PKP2: variants seen among roughly 807,000 people sequenced by gnomAD.
The protein encoded by PKP2 is plakophilin 2.
Under a neutral mutation model 83.4 loss-of-function variants are expected in PKP2, and 73 were observed. The ratio of observed to expected loss-of-function variants is 0.88; its 90% CI spans 0.72 to 1.06. The LOEUF (loss-of-function observed/expected upper bound fraction) is 1.06. Ranked by LOEUF, PKP2 falls within the 50% of genes least tolerant of loss-of-function variation. The pLI, the probability that PKP2 is intolerant of heterozygous loss-of-function variation, is 0.00. For missense variants in PKP2, 966 were observed against 1,065.4 expected, an observed-to-expected ratio of 0.91 and a Z score of 1.30; for synonymous variants, 409 against 430.4, an observed-to-expected ratio of 0.95 and a Z score of 0.62.
intron 11 of PKP2, among the ~76,000 whole-genome samples, chr12:32,793,461 T>C (rs959153237): frequency 6.6e-6 from 1 of 151,998 alleles, no homozygotes; most frequent in African/African-American, 2.4e-5. Flanking sequence ...GGAGTAATTT[T>C]TCAAGTCAAT....
intron 4 of PKP2, among the ~76,000 whole-genome samples, chr12:32,851,750 G>A (rs1252924340): frequency 6.6e-6 from 1 of 152,226 alleles, no homozygotes; most frequent in Non-Finnish European, 1.5e-5. Context: ...TTACAGGCGT[G>A]AGCCACTGCG....
intron 2 of PKP2, among the ~76,000 whole-genome samples, 161 bp downstream of exon 2, chr12:32,878,759 T>A (rs1252628245): frequency 6.6e-6 from 1 of 152,190 alleles, no homozygotes; most frequent in Non-Finnish European, 1.5e-5. Context: ...TTCACATCCC[T>A]AGTTTTCCAT....
At chr12:32,870,253 G>A (rs1956884390) in intron 3 of PKP2, among the ~76,000 whole-genome samples, 1 of 152,092 alleles carries the variant, frequency 6.6e-6, no homozygotes, top group African/African-American at 2.4e-5. Flanking sequence ...ACATGCACAT[G>A]TGTACAGGTG....
intron 9 of PKP2, among the ~76,000 whole-genome samples, chr12:32,819,289 AATACAATACAATACAATAC>A (rs754829167): frequency 0.51 from 74,814 of 145,560 alleles, 21,735 homozygotes; most frequent in Non-Finnish European, 0.66. Flanking sequence ...AAATAAATAC[AATACAATACAATACAATAC>A]AATACAATAA....
chr12:32,816,804 C>T (rs1956324208), intron 9 of PKP2, among the ~76,000 whole-genome samples: 2 of 83,778 alleles, frequency 2.4e-5, no homozygotes, highest in African/African-American at 7.8e-5. Context: ...GATGGCATCT[C>T]ACTGTAGTTT....
intron 9 of PKP2, among the ~76,000 whole-genome samples, chr12:32,812,915 T>C (rs766997913): frequency 1.5e-4 from 23 of 152,254 alleles, no homozygotes; most frequent in Non-Finnish European, 2.8e-4. Context: ...CAAATCCATG[T>C]TAACTTGATC....
rs1469471585 is a variant in PKP2 at position 32,810,831 on chromosome 12, G to A, written c.2014-8275C>T. Among the ~76,000 whole-genome samples the A allele has an allele frequency of 1.0e-3, 36 of 35,788 alleles. 17 individuals are homozygous for A. The highest frequency in any genetic ancestry group is 3.4e-3 in the Non-Finnish European group (31 of 9,052). 23.5% of individuals were successfully genotyped at this position (35,788 alleles called of 152,430 possible). A position where few individuals can be genotyped will look rare whatever the true frequency, so the allele number is the denominator to read the frequency against. On this transcript the variant is annotated intron_variant, in intron 9 of 12. Transcript: ENST00000340811. ...CGAGTAGCTGGGACTACAGGCGCCC[G>A]CCACTACGCCCGGCTAATTTTTTGT...
chr12:32,853,147 A>C (rs1251589787), intron 4 of PKP2, among the ~76,000 whole-genome samples: 1 of 152,170 alleles, frequency 6.6e-6, no homozygotes, highest in Non-Finnish European at 1.5e-5. Context: ...CACTTCATCT[A>C]TTCCTATTAC....
At chr12:32,889,779 T>C (rs1220938815) in intron 1 of PKP2, among the ~76,000 whole-genome samples, 2 of 152,120 alleles carry the variant, frequency 1.3e-5, no homozygotes, top group Admixed American at 6.5e-5. Flanking sequence ...GGCAGACTTT[T>C]ATTAGAAAAG....
At chr12:32,821,683 A>G in intron 8 of PKP2, 154 bp from the exon 9 acceptor site, 1 of 665,780 alleles carries the variant, frequency 1.5e-6, no homozygotes, top group Non-Finnish European at 2.6e-6. Context: ...AATATATATA[A>G]TTTCTAATCA....
At chr12:32,890,723 C>A (rs1439353946) in intron 1 of PKP2, among the ~76,000 whole-genome samples, 1 of 152,076 alleles carries the variant, frequency 6.6e-6, no homozygotes, top group African/African-American at 2.4e-5. Context: ...CTTTGGGAGG[C>A]AGAGGTGGGC....
At position 32,844,755 on chromosome 12, in the gene PKP2, G is replaced by A. The variant is rs1269247631; in HGVS notation, c.1379-3550C>T. ...ATTAAAGTGTTAGACTAGATGAGCA[G>A]TTTCCAAATGAGCCCAGTGACAAAA... On this transcript the variant is annotated intron_variant, in intron 5 of 12. Transcript: ENST00000340811. Among the ~76,000 whole-genome samples, 3 of 152,192 alleles carry A rather than the reference G, an allele frequency of 2.0e-5. 1 individual carries two copies. Among genetic ancestry groups the A allele is most frequent in the Admixed American group, 2.0e-4 (3 of 15,272 alleles).
At chr12:32,868,831 A>T (rs1592758867) in intron 4 of PKP2, 96 bp downstream of exon 4, 1 of 1,406,810 alleles carries the variant, frequency 7.1e-7, no homozygotes. Context: ...CCCAATTTTT[A>T]AAAATTTAAA....
intron 9 of PKP2, among the ~76,000 whole-genome samples, chr12:32,811,067 C>T (rs1248126000): frequency 2.0e-5 from 3 of 152,154 alleles, no homozygotes; most frequent in Non-Finnish European, 2.9e-5. Flanking sequence ...CAGTCATCAT[C>T]CAATTGAGTC....
chr12:32,821,183 C>T, intron 9 of PKP2, 173 bp downstream of exon 9: 1 of 633,266 alleles, frequency 1.6e-6, no homozygotes, highest in Non-Finnish European at 2.8e-6. Flanking sequence ...AGTCAAGCAG[C>T]CTGACTTGAC....
In PKP2 at chr12:32,878,326, C is replaced by T. The variant is rs765477952; in HGVS notation, c.554G>A (p.Arg185Gln). The change falls in exon 3 of 13, where the codon CGG becomes CAG. Residue 185 changes from arginine to glutamine, a missense_variant. Coordinates refer to ENST00000340811, the MANE Select transcript of PKP2 (RefSeq NM_001005242.3). ...GHTLHHQESR[R>Q]AALLVPPRYA... ...TCTCGGTGGCACTAGGAGGGCGGCC[C>T]GCCTGCTTTCTTGGTGGTGCAGGGT... 4.3e-6 allele frequency: 7 copies of T among 1,611,584 alleles called. No homozygotes were observed. Among genetic ancestry groups the T allele is most frequent in the East Asian group, 2.2e-5 (1 of 44,794 alleles).
At chr12:32,796,341 T>C (rs767581214) in intron 10 of PKP2, 43 bp from the exon 11 acceptor site, 1 of 1,484,422 alleles carries the variant, frequency 6.7e-7, no homozygotes, top group Non-Finnish European at 9.3e-7. Context: ...TTAAAAAGAT[T>C]GTTTCTTAAT....
chr12:32,882,966 A>G (rs1591830962), intron 1 of PKP2, among the ~76,000 whole-genome samples: 1 of 152,326 alleles, frequency 6.6e-6, no homozygotes, highest in East Asian at 1.9e-4. Context: ...AGGACAAAAA[A>G]ATTATTTTTC....
intron 6 of PKP2, 45 bp downstream of exon 6, chr12:32,840,982 AT>A: frequency 1.3e-6 from 2 of 1,503,364 alleles, no homozygotes; most frequent in Non-Finnish European, 1.8e-6. Flanking sequence ...GGGCTACCTA[AT>A]TTTTTATTGC....
Sources: allele counts gnomAD v4.1 joint callset (sites outside exome capture counted in the v4.1 genomes callset), GRCh38; gene constraint gnomAD v4.1.1; transcripts MANE v1.5; gene names NCBI Gene and HGNC (gene_info 2026-07-23, HGNC 2026-07-21).